Variants in GPR161 observed in about 807,000 individuals in gnomAD.
GPR161 encodes the protein G protein-coupled receptor 161.
GPR161 carries 25 observed loss-of-function variants against 39.2 expected under a neutral mutation model. The ratio of observed to expected loss-of-function variants is 0.64; its 90% confidence interval spans 0.47 to 0.89. The LOEUF (loss-of-function observed/expected upper bound fraction) is 0.89. Ranked by LOEUF, GPR161 falls within the 40% of genes least tolerant of loss-of-function variation. The pLI is 0.00. For synonymous variants in GPR161, 286 were observed against 276.6 expected, an observed-to-expected ratio of 1.03 and a Z score of -0.34; for missense variants, 547 against 677.8, an observed-to-expected ratio of 0.81 and a Z score of 2.14.
intron 1 of GPR161, among the ~76,000 whole-genome samples, chr1:168,121,792 T>C (rs967562727): frequency 6.6e-6 from 1 of 152,118 alleles, no homozygotes; most frequent in African/African-American, 2.4e-5. Context: ...ACCACGTCAT[T>C]CCCTCCGTGG....
intron 1 of GPR161, among the ~76,000 whole-genome samples, chr1:168,134,611 G>A (rs781177179): frequency 6.6e-6 from 1 of 152,128 alleles, no homozygotes; most frequent in Non-Finnish European, 1.5e-5. Flanking sequence ...GAAGACGCAA[G>A]CAGCCTGCAC....
chr1:168,132,751 G>A (rs549507513), intron 1 of GPR161, among the ~76,000 whole-genome samples: 5 of 152,136 alleles, frequency 3.3e-5, no homozygotes, highest in Admixed American at 2.6e-4. Flanking sequence ...TTGTTTGTTG[G>A]TTGGTTTTTT....
Position 168,104,501 on chromosome 1 carries a change from G to A in GPR161, c.350C>T (p.Thr117Ile), listed in dbSNP as rs1345820261. 6.2e-7 allele frequency: 1 copy of A among 1,613,928 alleles called. No homozygotes were observed. Among genetic ancestry groups the A allele is most frequent in the African/African-American group, 1.3e-5 (1 of 75,018 alleles). ...CCGGTCGATGGCAATGACCCCGAGG[G>A]TTAGCATGCTGGCAGAGCTGATCAG... ...YLLISSASMLTLGVIAIDRYY... is the reference protein window; with the variant it reads ...YLLISSASMLILGVIAIDRYY... The change falls in exon 2 of 6, where the codon ACC (threonine) becomes ATC (isoleucine). Residue 117 changes from threonine to isoleucine, a missense_variant. Thr to Ile is a moderately conservative substitution (Grantham distance 89). Transcript: ENST00000682931.
chr1:168,104,778 C>A lies in GPR161; in HGVS notation c.73G>T (p.Gly25Cys). 2 of 1,613,902 alleles carry A rather than the reference C, an allele frequency of 1.2e-6. No individual in the cohort carries two copies. The highest frequency in any genetic ancestry group is 1.7e-6 in the Non-Finnish European group (2 of 1,179,942). The change falls in exon 2 of 6, where the codon GGC becomes TGC. Residue 25 changes from glycine to cysteine, a missense_variant. Gly to Cys is a radical substitution (Grantham distance 159). Transcript: ENST00000682931. ...NLTEEEGGEG[G>C]VIITQFIAII... ...GCGATGAACTGGGTGATGATGACGCCCCCTTCGCCACCCTCCTCCTCAGTG... is the reference window on the plus strand; with the variant it reads ...GCGATGAACTGGGTGATGATGACGCACCCTTCGCCACCCTCCTCCTCAGTG...
At chr1:168,116,925 A>G (rs1251111895) in intron 1 of GPR161, among the ~76,000 whole-genome samples, 3 of 152,194 alleles carry the variant, frequency 2.0e-5, no homozygotes, top group African/African-American at 4.8e-5. Flanking sequence ...AAGAAGCTAG[A>G]GTCAGAACCC....
At chr1:168,096,482 G>C in intron 3 of GPR161, 26 bp downstream of exon 3, 1 of 1,601,482 alleles carries the variant, frequency 6.2e-7, no homozygotes, top group Non-Finnish European at 8.5e-7. Context: ...GCCTCGGAGG[G>C]GCTATCCTAA....
At chr1:168,134,966 A>T in intron 1 of GPR161, 1 of 1,535,676 alleles carries the variant, frequency 6.5e-7, no homozygotes. Flanking sequence ...CTCGGAACCC[A>T]AACAGAGAGC....
chr1:168,117,477 CTG>C (rs1697729827), intron 1 of GPR161, among the ~76,000 whole-genome samples: 1 of 152,160 alleles, frequency 6.6e-6, no homozygotes, highest in African/African-American at 2.4e-5. Flanking sequence ...CTTACTGCCT[CTG>C]TGGCCTTGAC....
At chr1:168,121,499 T>C (rs1387864121) in intron 1 of GPR161, among the ~76,000 whole-genome samples, 1 of 152,140 alleles carries the variant, frequency 6.6e-6, no homozygotes, top group Non-Finnish European at 1.5e-5. Context: ...CCCTTCATGT[T>C]TCCCAGTCAG....
rs150812302 is a variant in GPR161 at position 168,113,585 on chromosome 1, A to G, written c.-44-8691T>C. Among the ~76,000 whole-genome samples, 894 of 152,348 alleles carry G rather than the reference A, an allele frequency of 5.9e-3. 10 individuals carry two copies. The highest frequency in any genetic ancestry group is 0.021 in the African/African-American group (854 of 41,562). On this transcript the variant is annotated intron_variant, in intron 1 of 5. Transcript: ENST00000682931. ...TTAATACCATTTTGTAATCAGTCCAAGTGCCCATCAATGATAGACTGGATA... is the reference window on the plus strand; with the variant it reads ...TTAATACCATTTTGTAATCAGTCCAGGTGCCCATCAATGATAGACTGGATA...
rs531723237 is a variant in GPR161 at position 168,119,983 on chromosome 1, C to T, written c.-44-15089G>A. Among the ~76,000 whole-genome samples, 4 of 152,360 alleles carry T rather than the reference C, an allele frequency of 2.6e-5. No individual in the cohort carries two copies. In the East Asian group the frequency reaches 5.8e-4, roughly 22 times the overall value. On this transcript the variant is annotated intron_variant, in intron 1 of 5. Transcript: ENST00000682931. ...CCCTCATGAAGAAACTCTCCTAGAGCAGTGCAGAAGGGAAATGTGGGGTTG... is the reference window on the plus strand; with the variant it reads ...CCCTCATGAAGAAACTCTCCTAGAGTAGTGCAGAAGGGAAATGTGGGGTTG...
intron 1 of GPR161, among the ~76,000 whole-genome samples, chr1:168,124,335 T>C (rs1698430787): frequency 6.6e-6 from 1 of 152,240 alleles, no homozygotes; most frequent in African/African-American, 2.4e-5. Flanking sequence ...CTGAGTTTTC[T>C]GAATTGGTCG....
At chr1:168,094,139 T>G (rs1325130158) in intron 3 of GPR161, among the ~76,000 whole-genome samples, 1 of 152,276 alleles carries the variant, frequency 6.6e-6, no homozygotes, top group Admixed American at 6.5e-5. Context: ...CTAGGACACC[T>G]GCAAGTGACT....
At chr1:168,095,108 A>G (rs756655017) in intron 3 of GPR161, among the ~76,000 whole-genome samples, 2 of 152,220 alleles carry the variant, frequency 1.3e-5, no homozygotes, top group Non-Finnish European at 2.9e-5. Context: ...TTTGCCAAAA[A>G]TGGATAACCT....
rs1338532570 is a variant in GPR161, at chr1:168,081,405, A to G, written c.*4126T>C. 1.3e-5 allele frequency: 2 copies of G among 152,170 alleles called. No individual in the cohort carries two copies. The highest frequency in any genetic ancestry group is 2.9e-5 in the Non-Finnish European group (2 of 68,028). 9.4% of individuals were successfully genotyped at this position (152,170 alleles called of 1,614,324 possible). On this transcript the variant is annotated 3_prime_UTR_variant, in exon 6 of 6. Coordinates refer to ENST00000682931, the MANE Select transcript of GPR161 (RefSeq NM_001375883.1). ...TCAAGATTCTCACTTCATTATAGAG[A>G]TCCCTATAAAAAGGAATAATACACC... is the stretch of plus-strand genomic sequence containing the variant.
intron 1 of GPR161, among the ~76,000 whole-genome samples, chr1:168,119,546 C>T (rs980578514): frequency 6.6e-6 from 1 of 151,970 alleles, no homozygotes; most frequent in Non-Finnish European, 1.5e-5. Flanking sequence ...AATAGGGTTT[C>T]TACAAGCTAG....
intron 5 of GPR161, among the ~76,000 whole-genome samples, chr1:168,086,860 A>T (rs1420732973): frequency 6.6e-6 from 1 of 152,128 alleles, no homozygotes; most frequent in Non-Finnish European, 1.5e-5. Flanking sequence ...TGGAGAAGAG[A>T]TGTGATTAAT....
intron 5 of GPR161, among the ~76,000 whole-genome samples, chr1:168,086,762 T>C (rs1259671193): frequency 6.6e-6 from 1 of 152,228 alleles, no homozygotes; most frequent in East Asian, 1.9e-4. Context: ...TGTTCTATAA[T>C]CTGCTTTGCC....
intron 1 of GPR161, among the ~76,000 whole-genome samples, chr1:168,123,130 G>A (rs1698313106): frequency 6.6e-6 from 1 of 152,122 alleles, no homozygotes. Flanking sequence ...TTCACGTGGG[G>A]TACCAAATGT....
Sources: gnomAD v4.1 joint callset for allele counts (sites outside exome capture counted in the v4.1 genomes callset) on GRCh38, gnomAD v4.1.1 for gene constraint, MANE v1.5 for transcripts, NCBI Gene and HGNC (gene_info 2026-07-23, HGNC 2026-07-21) for gene names.